The following PRRC2A variants were observed in gnomAD, a reference collection of about 807,000 sequenced individuals.
The protein encoded by PRRC2A is protein PRRC2A.
In PRRC2A, 59 loss-of-function variants were observed where a neutral mutation model predicts 224.6. The ratio of observed to expected loss-of-function variants is 0.26; its 90% CI spans 0.21 to 0.33. PRRC2A has a LOEUF of 0.33. PRRC2A is among the 10% of genes least tolerant of loss of function. The probability of loss-of-function intolerance (pLI) is 1.00; values close to 1 mark genes in which losing one functional copy is unlikely to be tolerated. For missense variants in PRRC2A, 3,095 were observed against 2,880.7 expected, an observed-to-expected ratio of 1.07 and a Z score of -1.70; for synonymous variants, 1,194 against 1,109.5, an observed-to-expected ratio of 1.08 and a Z score of -1.51.
Position 31,636,768 on chromosome 6 carries a change from G to T in PRRC2A, c.5970G>T (p.Val1990=), listed in dbSNP as rs1186576548. 1 of 1,607,024 alleles carries T rather than the reference G, an allele frequency of 6.2e-7. No homozygotes were observed. Among genetic ancestry groups the T allele is most frequent in the Non-Finnish European group, 8.5e-7 (1 of 1,180,000 alleles). The part of the protein sequence containing the change: ...LLPMVDSQLP[V]VNFGSLPPAP... The stretch of plus-strand genomic sequence containing the variant: ...CCATGGTAGACTCACAGCTGCCTGT[G>T]GTGAACTTTGGCTCCCTGCCGCCAG... The change falls in exon 28 of 31, where the codon GTG becomes GTT. Residue 1990 remains valine (V), a synonymous_variant. Coordinates refer to ENST00000376033, the MANE Select transcript of PRRC2A (RefSeq NM_004638.4). The surrounding 1 kb of genome is among the most constrained non-coding windows in gnomAD (Gnocchi z 4.3).
chr6:31,630,561 A>G, intron 14 of PRRC2A, 30 bp from the exon 15 acceptor site: 1 of 1,611,542 alleles, frequency 6.2e-7, no homozygotes, highest in Non-Finnish European at 8.5e-7. Flanking sequence ...CATGAATAGG[A>G]TTATTTTTCT....
Position 31,623,881 on chromosome 6 carries a change from A to G in PRRC2A, c.262A>G (p.Ser88Gly), listed in dbSNP as rs777837035. The G allele has an allele frequency of 5.0e-6, 8 of 1,614,108 alleles. No homozygotes were observed. The highest frequency in any genetic ancestry group is 6.8e-6 in the Non-Finnish European group (8 of 1,180,040). Reference protein sequence around the residue: ...LVPKDGTGWASKQEQSDPKSS... With the variant: ...LVPKDGTGWAGKQEQSDPKSS... The stretch of plus-strand genomic sequence containing the variant: ...GCCAAAAGACGGAACAGGATGGGCA[A>G]GCAAACAGGAGCAGTCCGACCCCAA... Residue 88 changes from serine (S) to glycine (G), a missense_variant, in exon 3 of 31, where the codon AGC becomes GGC. Around this residue, in one of 8 missense-constraint regions of PRRC2A, gnomAD observed 52 missense variants for 77.9 expected, o/e 0.67. Coordinates refer to ENST00000376033, the MANE Select transcript of PRRC2A (RefSeq NM_004638.4).
chr6:31,626,251 C>A, intron 9 of PRRC2A, 89 bp downstream of exon 9: 1 of 1,455,132 alleles, frequency 6.9e-7, no homozygotes, highest in Non-Finnish European at 9.4e-7. Context: ...GGGTGAAAGG[C>A]AGACATTGAA....
Position 31,625,385 on chromosome 6 carries a change from C to T in PRRC2A, c.607+71C>T, listed in dbSNP as rs1775788268. The stretch of plus-strand genomic sequence containing the variant: ...AGCTAGGTGCTGGCTTATTCACCTT[C>T]CTCCCCATCACTTTCAGCTGTGTTC... On this transcript the variant is annotated intron_variant, in intron 6 of 30. Transcript: ENST00000376033. The surrounding 1 kb of genome is among the most constrained non-coding windows in gnomAD (Gnocchi z 4.1). 2.5e-6 allele frequency: 4 copies of T among 1,612,764 alleles called. No homozygotes were observed. The highest frequency in any genetic ancestry group is 3.4e-6 in the Non-Finnish European group (4 of 1,178,728).
In PRRC2A at chr6:31,637,089, C is replaced by T. The variant is rs764368706; in HGVS notation, c.6195C>T (p.Ser2065=). Residue 2065 remains serine, a synonymous_variant, in exon 29 of 31, where the codon AGC becomes AGT. Transcript: ENST00000376033. The stretch of plus-strand genomic sequence containing the variant: ...CGTTCCAGGATTATCAAAAACTGAG[C>T]AGCAACCTTGGGGGACCTGGATCAT... ...LKPFQDYQKL[S]SNLGGPGSSR... 2 of 1,610,562 alleles carry T rather than the reference C, an allele frequency of 1.2e-6. No homozygotes were observed. The highest frequency in any genetic ancestry group is 2.2e-5 in the South Asian group (2 of 90,706).
chr6:31,634,498 A>C lies in PRRC2A; in HGVS notation c.4876A>C (p.Ser1626Arg). ...CACTAGCCGAAAGAGTTACCGGCCCAGCTCCATGGAGCCTTGGATGGAGCC... is the reference window on the plus strand; with the variant it reads ...CACTAGCCGAAAGAGTTACCGGCCCCGCTCCATGGAGCCTTGGATGGAGCC... ...TATSRKSYRP[S>R]SMEPWMEPLS... Residue 1626 changes from serine (S) to arginine (R), a missense_variant, in exon 20 of 31, where the codon AGC becomes CGC. Around this residue, in one of 8 missense-constraint regions of PRRC2A, gnomAD observed 2,001 missense variants for 1,764.9 expected, o/e 1.13. Transcript: ENST00000376033. The C allele has an allele frequency of 6.2e-7, 1 of 1,612,946 alleles. No homozygotes were observed. Among genetic ancestry groups the C allele is most frequent in the Non-Finnish European group, 8.5e-7 (1 of 1,179,970 alleles).
At chr6:31,621,774 A>G (rs945486935) in intron 1 of PRRC2A, among the ~76,000 whole-genome samples, 1 of 152,172 alleles carries the variant, frequency 6.6e-6, no homozygotes, top group African/African-American at 2.4e-5. Context: ...TCCCGTCCAT[A>G]AACGAATGCC....
intron 15 of PRRC2A, 83 bp downstream of exon 15, chr6:31,630,884 G>A (rs889181030): frequency 1.1e-5 from 16 of 1,503,030 alleles, no homozygotes; most frequent in Non-Finnish European, 1.4e-5. Context: ...TTAGTGGTAG[G>A]GATAGGGATG....
chr6:31,622,870 G>T lies in PRRC2A; in HGVS notation c.81G>T (p.Lys27Asn). ...CGCTCAACCTGTTTGATACGTATAA[G>T]GGCAAGTCCTTAGAGATCCAGAAAC... ...YSSLNLFDTY[K>N]GKSLEIQKPA... The change falls in exon 2 of 31, where the codon AAG (lysine) becomes AAT (asparagine). Residue 27 changes from lysine to asparagine, a missense_variant. By Grantham distance (94) the Lys-to-Asn change is moderately conservative. Transcript: ENST00000376033. The T allele has an allele frequency of 1.2e-6, 2 of 1,614,144 alleles. No homozygotes were observed. Among genetic ancestry groups the T allele is most frequent in the Non-Finnish European group, 1.7e-6 (2 of 1,180,014 alleles).
chr6:31,637,169 T>TGC, intron 29 of PRRC2A, 33 bp downstream of exon 29: 1 of 1,608,556 alleles, frequency 6.2e-7, no homozygotes, highest in Non-Finnish European at 8.5e-7. Flanking sequence ...ACTTTCCAAG[T>TGC]GCTTCCTTAC....
rs1343857194 is a variant in PRRC2A, at chr6:31,627,054, C to T, written c.1146C>T (p.Asn382=). The T allele has an allele frequency of 1.2e-6, 2 of 1,614,214 alleles. No individual in the cohort carries two copies. The highest frequency in any genetic ancestry group is 3.3e-5 in the Admixed American group (2 of 60,026). Residue 382 remains asparagine (N), a synonymous_variant, in exon 11 of 31, where the codon AAC becomes AAT. Coordinates refer to ENST00000376033, the MANE Select transcript of PRRC2A (RefSeq NM_004638.4). The surrounding 1 kb of genome is among the most constrained non-coding windows in gnomAD (Gnocchi z 5.6). The stretch of plus-strand genomic sequence containing the variant: ...ATGGCAAAAAGGGCAACTCCCCCAA[C>T]AGCGAACCGCCCACTCCTAAGACGG... The part of the protein sequence containing the change: ...EADGKKGNSP[N]SEPPTPKTAW...
Position 31,627,285 on chromosome 6 carries a change from A to AG in PRRC2A, c.1290+93dup, listed in dbSNP as rs1246281424. 6 of 979,854 alleles carry AG rather than the reference A, an allele frequency of 6.1e-6. No homozygotes were observed. Among genetic ancestry groups the AG allele is most frequent in the Middle Eastern group, 3.2e-4 (1 of 3,140 alleles). 60.7% of individuals were successfully genotyped at this position (979,854 alleles called of 1,614,324 possible). A position where few individuals can be genotyped will look rare whatever the true frequency, so the allele number is the denominator to read the frequency against. On this transcript the variant is annotated intron_variant, in intron 11 of 30. Transcript: ENST00000376033. The surrounding 1 kb of genome is among the most constrained non-coding windows in gnomAD (Gnocchi z 5.6). ...ATTGAAGCGGTTGTGATATAGAGGAAGGGGGGTGCTAAAAATGGGCTGTGT... is the reference window on the plus strand; with the variant it reads ...ATTGAAGCGGTTGTGATATAGAGGAAGGGGGGGTGCTAAAAATGGGCTGTGT...
Position 31,636,354 on chromosome 6 carries a change from C to T in PRRC2A, c.5770C>T (p.Pro1924Ser). 6.2e-7 allele frequency: 1 copy of T among 1,613,018 alleles called. No homozygotes were observed. The highest frequency in any genetic ancestry group is 8.5e-7 in the Non-Finnish European group (1 of 1,180,014). Reference protein sequence around the residue: ...KLPAGGVLYPPPSFLYSPAFC... With the variant: ...KLPAGGVLYPSPSFLYSPAFC... ...GCCGGCTGGAGGAGTTCTCTACCCT[C>T]CACCTTCCTTCCTCTACTCTCCGGC... The change falls in exon 26 of 31, where the codon CCA becomes TCA. Residue 1924 changes from proline (P) to serine (S), a missense_variant. Pro to Ser is a moderately conservative substitution (Grantham distance 74, BLOSUM62 -1). Transcript: ENST00000376033. This position sits in a 1 kb window ranked among gnomAD's most constrained non-coding sequence, Gnocchi z 4.3.
intron 13 of PRRC2A, 76 bp downstream of exon 13, chr6:31,629,410 C>T (rs1776282233): frequency 2.7e-6 from 4 of 1,503,850 alleles, no homozygotes; most frequent in South Asian, 2.6e-5. Context: ...CATAAGTTAC[C>T]TTCTGGGTCC....
chr6:31,626,213 A>G, intron 9 of PRRC2A, 51 bp downstream of exon 9: 1 of 1,570,264 alleles, frequency 6.4e-7, no homozygotes, highest in East Asian at 2.2e-5. Context: ...GCAAAACCTA[A>G]TGAGGAAAAA....
In PRRC2A at chr6:31,634,362, A is replaced by G; in HGVS notation, c.4846A>G (p.Thr1616Ala). 1 of 1,612,820 alleles carries G rather than the reference A, an allele frequency of 6.2e-7. No homozygotes were observed. The highest frequency in any genetic ancestry group is 1.1e-5 in the South Asian group (1 of 91,076). ...CCCTCACATCTGGAACCGTTTACAT[A>G]CTGGTGAGTAAAGCTGAGTGAAAGG... is the stretch of plus-strand genomic sequence containing the variant. ...LTPHIWNRLH[T>A]ATSRKSYRPS... Residue 1616 changes from threonine to alanine, a missense_variant, in exon 19 of 31, where the codon ACT becomes GCT. Coordinates refer to ENST00000376033, the MANE Select transcript of PRRC2A (RefSeq NM_004638.4).
chr6:31,631,746 G>A lies in PRRC2A; in HGVS notation c.3073G>A (p.Gly1025Ser), dbSNP rs1231974184. Reference protein sequence around the residue: ...YERVGPTSCRGRGRGEYFARG... With the variant: ...YERVGPTSCRSRGRGEYFARG... ...AAGAGTGGGTCCTACCTCTTGCCGGGGTCGGGGCCGAGGCGAGTATTTTGC... is the reference window on the plus strand; with the variant it reads ...AAGAGTGGGTCCTACCTCTTGCCGGAGTCGGGGCCGAGGCGAGTATTTTGC... Residue 1025 changes from glycine to serine, a missense_variant, in exon 16 of 31, where the codon GGT (glycine) becomes AGT (serine). Around this residue, in one of 8 missense-constraint regions of PRRC2A, gnomAD observed 2,001 missense variants for 1,764.9 expected, o/e 1.13. Transcript: ENST00000376033. This position sits in a 1 kb window ranked among gnomAD's most constrained non-coding sequence, Gnocchi z 4.5. The A allele has an allele frequency of 1.3e-6, 2 of 1,535,230 alleles. No homozygotes were observed. Among genetic ancestry groups the A allele is most frequent in the South Asian group, 2.5e-5 (2 of 79,306 alleles).
chr6:31,629,058 C>A, intron 12 of PRRC2A, 86 bp from the exon 13 acceptor site: 1 of 1,347,848 alleles, frequency 7.4e-7, no homozygotes, highest in Non-Finnish European at 1.1e-6. Flanking sequence ...CTTAAGGGAG[C>A]TAGAGATGAG....
At position 31,634,946 on chromosome 6, in the gene PRRC2A, C is replaced by A; in HGVS notation, c.5129C>A (p.Pro1710Gln). Residue 1710 changes from proline to glutamine, a missense_variant, in exon 21 of 31, where the codon CCA (proline) becomes CAA (glutamine). Transcript: ENST00000376033. ...GPPGSEPPRR[P>Q]PPAPHDGDRK... ...CCTGGCTCTGAACCTCCTAGGAGAC[C>A]ACCACCTGCCCCCCACGATGGGGAC... 1 of 1,612,768 alleles carries A rather than the reference C, an allele frequency of 6.2e-7. No homozygotes were observed. The highest frequency in any genetic ancestry group is 8.5e-7 in the Non-Finnish European group (1 of 1,179,900).
Sources: gnomAD v4.1 joint callset for allele counts (sites outside exome capture counted in the v4.1 genomes callset) on GRCh38, gnomAD v4.1.1 for gene constraint, gnomAD v4.1.1 regional missense constraint, Gnocchi (gnomAD v3.1) non-coding constraint, MANE v1.5 for transcripts, NCBI Gene and HGNC (gene_info 2026-07-23, HGNC 2026-07-21) for gene names.